MGAT5: variants seen among roughly 807,000 people sequenced by gnomAD.
MGAT5 encodes the protein alpha-1,6-mannosylglycoprotein 6-beta-N-acetylglucosaminyltransferase.
MGAT5 carries 30 observed loss-of-function variants against 94.3 expected under a neutral mutation model. The observed-to-expected ratio is 0.32, with a 90% CI of 0.24 to 0.43. MGAT5 has a LOEUF of 0.43. Among genes scored for constraint, MGAT5 ranks in the 20% least tolerant of loss-of-function variants. The pLI is 1.00. For synonymous variants in MGAT5, 310 were observed against 322.9 expected, an observed-to-expected ratio of 0.96 and a Z score of 0.43; for missense variants, 691 against 905.5, an observed-to-expected ratio of 0.76 and a Z score of 3.04.
At chr2:134,149,529 G>A (rs935871535) in intron 1 of MGAT5, among the ~76,000 whole-genome samples, 1 of 152,194 alleles carries the variant, frequency 6.6e-6, no homozygotes, top group African/African-American at 2.4e-5. Flanking sequence ...TGGGTTCAAG[G>A]CCACACAGAT....
chr2:134,315,312 A>G (rs1686936145), intron 2 of MGAT5, among the ~76,000 whole-genome samples: 1 of 152,162 alleles, frequency 6.6e-6, no homozygotes, highest in Non-Finnish European at 1.5e-5. Context: ...AGGCTCTCAT[A>G]GACTGTGCCT....
chr2:134,254,463 T>A lies in MGAT5; in HGVS notation c.60T>A (p.Thr20=). The A allele has an allele frequency of 6.2e-7, 1 of 1,614,216 alleles. No homozygotes were observed. The highest frequency in any genetic ancestry group is 8.5e-7 in the Non-Finnish European group (1 of 1,180,024). The change falls in exon 1 of 16, where the codon ACT becomes ACA. Residue 20 remains threonine, a synonymous_variant. Transcript: ENST00000281923. ...SSQKLGFFLV[T]FGFIWGMMLL... Reference sequence around the variant, plus strand: ...AGAAGCTGGGCTTTTTCCTGGTGACTTTTGGCTTCATTTGGGGTATGATGC... The same window carrying A: ...AGAAGCTGGGCTTTTTCCTGGTGACATTTGGCTTCATTTGGGGTATGATGC...
chr2:134,448,520 T>G (rs1685923806), intron 15 of MGAT5, 129 bp from the exon 16 acceptor site: 1 of 850,950 alleles, frequency 1.2e-6, no homozygotes, highest in Non-Finnish European at 2.0e-6. Flanking sequence ...GGGCACCATT[T>G]CATTTCTAAA....
In MGAT5 at chr2:134,254,383, A is replaced by C. The variant is rs770928798; in HGVS notation, c.-21A>C. On this transcript the variant is annotated 5_prime_UTR_variant, in exon 1 of 16. Transcript: ENST00000281923. ...CTTCTACGCGTTAAGAGCCAAGGAC[A>C]GGTGAAGTTGCCAGAGAGCAATGGC... The C allele has an allele frequency of 1.2e-6, 2 of 1,613,828 alleles. No individual in the cohort carries two copies. The highest frequency in any genetic ancestry group is 2.2e-5 in the South Asian group (2 of 91,058).
chr2:134,336,358 T>A (rs1355277636), intron 5 of MGAT5, 70 bp downstream of exon 5: 2 of 1,314,790 alleles, frequency 1.5e-6, no homozygotes, highest in Non-Finnish European at 2.2e-6. Flanking sequence ...ACATGTGGAA[T>A]CTTCTAGAAA....
chr2:134,413,046 A>G (rs750444706), intron 12 of MGAT5, 31 bp downstream of exon 12: 1 of 1,607,778 alleles, frequency 6.2e-7, no homozygotes, highest in Non-Finnish European at 8.5e-7. Flanking sequence ...TTCCATTTTG[A>G]ATAATATGAA....
At position 134,165,116 on chromosome 2, in the gene MGAT5, A is replaced by G. The variant is rs147938219; in HGVS notation, c.-143+44825A>G. ...GCCATTAGTCAACTGGCTTTTGAGC[A>G]CTTAAAATATGGCTAGAGCATCTGA... On this transcript the variant is annotated intron_variant, in intron 1 of 16. Coordinates refer to the MGAT5 transcript ENST00000409645. Among the ~76,000 whole-genome samples the G allele has an allele frequency of 6.5e-3, 994 of 152,334 alleles. 8 individuals are homozygous for G. The highest frequency in any genetic ancestry group is 8.0e-3 in the Non-Finnish European group (542 of 68,028).
intron 2 of MGAT5, among the ~76,000 whole-genome samples, chr2:134,311,760 T>C (rs76162874): frequency 9.5e-4 from 144 of 152,270 alleles, no homozygotes; most frequent in Non-Finnish European, 1.7e-3. Flanking sequence ...AAACTTTGTT[T>C]GTAGTAAGTG....
chr2:134,183,219 G>A (rs913186345), intron 1 of MGAT5, among the ~76,000 whole-genome samples: 3 of 152,192 alleles, frequency 2.0e-5, no homozygotes, highest in Non-Finnish European at 4.4e-5. Flanking sequence ...CTTGTTCCAT[G>A]CATGGGTTCA....
In MGAT5 at chr2:134,248,820, C is replaced by T. The variant is rs147513032; in HGVS notation, c.-142-5442C>T. Among the ~76,000 whole-genome samples the T allele has an allele frequency of 7.9e-3, 1,202 of 152,222 alleles. 11 individuals carry two copies. Among genetic ancestry groups the T allele is most frequent in the Admixed American group, 0.014 (215 of 15,292 alleles). ...TGCCTTTGTTTATCCTCTGAGGAGG[C>T]AGGCCCTTGTGTCAGAAATAGGGCC... is the stretch of plus-strand genomic sequence containing the variant. On this transcript the variant is annotated intron_variant, in intron 1 of 16. Transcript: ENST00000409645.
At chr2:134,151,736 G>A (rs370504791) in intron 1 of MGAT5, among the ~76,000 whole-genome samples, 2 of 143,738 alleles carry the variant, frequency 1.4e-5, no homozygotes, top group East Asian at 4.1e-4. Flanking sequence ...TCACCGCCAT[G>A]GGACCTCACT....
At chr2:134,245,158 G>A (rs10182493) in intron 1 of MGAT5, among the ~76,000 whole-genome samples, 29,808 of 152,008 alleles carry the variant, frequency 0.2, 3,819 homozygotes, top group Non-Finnish European at 0.29. Flanking sequence ...GACTGCAGGC[G>A]CCTGCCACCA....
At chr2:134,130,238 C>CCCCACACCG (rs1686077008) in intron 1 of MGAT5, among the ~76,000 whole-genome samples, 1 of 148,170 alleles carries the variant, frequency 6.7e-6, no homozygotes, top group African/African-American at 2.5e-5. Context: ...CCCCACACCG[C>CCCCACACCG]CCCACACCGC....
chr2:134,403,280 C>T (rs772881684), intron 11 of MGAT5, 143 bp downstream of exon 11: 48 of 743,896 alleles, frequency 6.5e-5, no homozygotes, highest in Non-Finnish European at 9.8e-5. Flanking sequence ...CCAATGGCAG[C>T]TGAAAAGTAA....
chr2:134,130,087 C>T (rs1255792535), intron 1 of MGAT5, among the ~76,000 whole-genome samples: 1 of 152,166 alleles, frequency 6.6e-6, no homozygotes, highest in Non-Finnish European at 1.5e-5. Flanking sequence ...TGCGGAGGAG[C>T]GCCGGGTCCC....
intron 12 of MGAT5, among the ~76,000 whole-genome samples, chr2:134,417,754 T>C (rs1376966091): frequency 6.6e-6 from 1 of 152,166 alleles, no homozygotes; most frequent in African/African-American, 2.4e-5. Flanking sequence ...TAGAATATCC[T>C]GTTTATCCTC....
At chr2:134,364,180 CT>C (rs948507485) in intron 10 of MGAT5, among the ~76,000 whole-genome samples, 1 of 152,166 alleles carries the variant, frequency 6.6e-6, no homozygotes, top group African/African-American at 2.4e-5. Flanking sequence ...AATATTGCCA[CT>C]AAAAGGGTGA....
At chr2:134,139,129 C>G (rs983311963) in intron 1 of MGAT5, among the ~76,000 whole-genome samples, 2 of 152,132 alleles carry the variant, frequency 1.3e-5, no homozygotes, top group African/African-American at 2.4e-5. Flanking sequence ...TACTAGAGAT[C>G]TTCTTTCATG....
chr2:134,125,582 C>A lies in MGAT5; in HGVS notation c.-143+5291C>A, dbSNP rs150290725. Among the ~76,000 whole-genome samples, 44 of 152,348 alleles carry A rather than the reference C, an allele frequency of 2.9e-4. 2 individuals are homozygous for A. Among genetic ancestry groups the A allele is most frequent in the African/African-American group, 1.0e-3 (42 of 41,580 alleles). On this transcript the variant is annotated intron_variant, in intron 1 of 16. Coordinates refer to the MGAT5 transcript ENST00000409645. ...GCAGTGGCAAAGCTGGACCTCACATCTCCTCTGTGGTCCCACAGGAACAAT... is the reference window on the plus strand; with the variant it reads ...GCAGTGGCAAAGCTGGACCTCACATATCCTCTGTGGTCCCACAGGAACAAT...
Sources: gnomAD v4.1 joint callset for allele counts (sites outside exome capture counted in the v4.1 genomes callset) on GRCh38, gnomAD v4.1.1 for gene constraint, MANE v1.5 for transcripts, NCBI Gene and HGNC (gene_info 2026-07-23, HGNC 2026-07-21) for gene names.